The following C11orf71 variants were observed in gnomAD, a reference collection of about 807,000 sequenced individuals.
C11orf71 encodes uncharacterized protein C11orf71.
For synonymous variants in C11orf71, 72 were observed against 73.4 expected (o/e 0.98, Z 0.09); for missense variants, 179 against 167.6 (o/e 1.07, Z -0.38).
downstream of C11orf71, among the ~76,000 whole-genome samples, chr11:114,394,294 T>TTTCTTTTCTC (rs1565256826): frequency 4.9e-3 from 206 of 41,654 alleles, 28 homozygotes; most frequent in African/African-American, 0.01. Context: ...TTTCTCTTAT[T>TTTCTTTTCTC]TTCTTTTCTT....
downstream of C11orf71, among the ~76,000 whole-genome samples, chr11:114,394,252 CTTTTCTTTTCTTTTCTTTTCT>C (rs1946106056): frequency 1.5e-5 from 1 of 66,636 alleles, no homozygotes; most frequent in Non-Finnish European, 2.5e-5. Context: ...CTTTTCTTTT[CTTTTCTTTTCTTTTCTTTTCT>C]TTTCTTTTCT....
At chr11:114,394,174 G>GTTTCTTTTCTTTTCTTTCTTTTCTTTTCT (rs1187890536), downstream of C11orf71, among the ~76,000 whole-genome samples, 2 of 77,520 alleles carry the variant, frequency 2.6e-5, no homozygotes, top group African/African-American at 5.5e-5. Flanking sequence ...TAGAGACGGG[G>GTTTCTTTTCTTTTCTTTCTTTTCTTTTCT]TTTCGTTTCT....
At chr11:114,394,228 CTTTCTT>C (rs1946102760), downstream of C11orf71, among the ~76,000 whole-genome samples, 1 of 48,704 alleles carries the variant, frequency 2.1e-5, no homozygotes, top group African/African-American at 1.0e-4. Context: ...CTTTTCTTTT[CTTTCTT>C]TTCTTTTCTT....
chr11:114,394,923 A>T (rs1223888934), downstream of C11orf71, among the ~76,000 whole-genome samples: 1 of 150,142 alleles, frequency 6.7e-6, no homozygotes, highest in Non-Finnish European at 1.5e-5. Context: ...TTACCTTGTT[A>T]CTCTTATTTG....
downstream of C11orf71, among the ~76,000 whole-genome samples, chr11:114,394,195 T>TTTC (rs1393852594): frequency 7.1e-5 from 3 of 41,978 alleles, no homozygotes; most frequent in African/African-American, 1.2e-4. Context: ...TTTCTTTTCT[T>TTTC]TTCTTTTCTT....
At position 114,400,162 on chromosome 11, in the gene C11orf71, A is replaced by C. The variant is rs747322947; in HGVS notation, c.170T>G (p.Val57Gly). 5 of 1,613,732 alleles carry C rather than the reference A, an allele frequency of 3.1e-6. No homozygotes were observed. In the South Asian group the frequency reaches 5.5e-5, roughly 18 times the overall value. Residue 57 changes from valine (V) to glycine (G), a missense_variant, in exon 1 of 1, where the codon GTG becomes GGG. Transcript: ENST00000623205. ...EAIHLGPRQA[V>G]RPSVRAESRR... ...GCTCTCGGCCCGAACGCTTGGTCGCACCGCCTGCCGAGGTCCTAGATGAAT... is the reference window on the plus strand; with the variant it reads ...GCTCTCGGCCCGAACGCTTGGTCGCCCCGCCTGCCGAGGTCCTAGATGAAT...
chr11:114,397,924 A>G (rs985792840), downstream of C11orf71, among the ~76,000 whole-genome samples: 1 of 152,060 alleles, frequency 6.6e-6, no homozygotes, highest in African/African-American at 2.4e-5. Flanking sequence ...CCAACTCCCC[A>G]TTTCAACTTT....
chr11:114,391,537 T>C, exon 2 of C11orf71: 2 of 1,271,756 alleles, frequency 1.6e-6, no homozygotes, highest in South Asian at 1.6e-5. Context: ...TCTTAAATAA[T>C]ATAAATGTAA....
chr11:114,394,179 G>GTTCT (rs1946095474), downstream of C11orf71, among the ~76,000 whole-genome samples: 1 of 80,286 alleles, frequency 1.2e-5, no homozygotes, highest in African/African-American at 4.9e-5. Flanking sequence ...ACGGGGTTTC[G>GTTCT]TTTCTTTTCT....
downstream of C11orf71, among the ~76,000 whole-genome samples, chr11:114,394,284 T>TTTCTTTTCTC (rs1441634194): frequency 2.4e-5 from 2 of 84,478 alleles, no homozygotes; most frequent in African/African-American, 6.7e-5. Flanking sequence ...TTTCTTTTCT[T>TTTCTTTTCTC]TTCTCTTATT....
chr11:114,394,063 T>C (rs1472860425), downstream of C11orf71, among the ~76,000 whole-genome samples: 1 of 151,824 alleles, frequency 6.6e-6, no homozygotes, highest in Non-Finnish European at 1.5e-5. Context: ...CCCTGCAAGC[T>C]CCGCCTCCCG....
downstream of C11orf71, among the ~76,000 whole-genome samples, chr11:114,395,719 G>A (rs931961783): frequency 6.6e-6 from 1 of 152,210 alleles, no homozygotes; most frequent in African/African-American, 2.4e-5. Flanking sequence ...CCTAATGTCT[G>A]TCATGAGTAA....
In C11orf71 at chr11:114,400,319, T is replaced by C. The variant is rs1377760048; in HGVS notation, c.13A>G (p.Asn5Asp). The C allele has an allele frequency of 2.5e-6, 4 of 1,606,670 alleles. No homozygotes were observed. The highest frequency in any genetic ancestry group is 1.3e-5 in the African/African-American group (1 of 74,706). MALN[N>D]VSLSSGDQRS... is the part of the protein sequence containing the mutation. ...TGATCACCGGAGGACAGGGACACAT[T>C]GTTCAGGGCCATATTCAAACACTGC... is the stretch of plus-strand genomic sequence containing the variant. Residue 5 changes from asparagine to aspartate, a missense_variant, in exon 1 of 1, where the codon AAT (asparagine) becomes GAT (aspartate). By Grantham distance (23) the Asn-to-Asp change is conservative. Coordinates refer to ENST00000623205, the MANE Select transcript of C11orf71 (RefSeq NM_001271562.2).
chr11:114,400,198 C>T lies in C11orf71; in HGVS notation c.134G>A (p.Arg45Lys), dbSNP rs1271301870. 1.2e-6 allele frequency: 2 copies of T among 1,613,520 alleles called. No homozygotes were observed. The highest frequency in any genetic ancestry group is 1.7e-5 in the Admixed American group (1 of 59,948). ...MVSGDGFLVS[R>K]PEAIHLGPRQ... ...AGGTCCTAGATGAATCGCTTCAGGC[C>T]TGGAAACGAGGAAGCCGTCTCCGGA... Residue 45 changes from arginine (R) to lysine (K), a missense_variant, in exon 1 of 1, where the codon AGG (arginine) becomes AAG (lysine). Transcript: ENST00000623205.
downstream of C11orf71, among the ~76,000 whole-genome samples, chr11:114,396,826 G>T (rs1946134611): frequency 6.6e-6 from 1 of 152,198 alleles, no homozygotes; most frequent in South Asian, 2.1e-4. Flanking sequence ...CTGCTGGAAA[G>T]AAAGTTGAAC....
At chr11:114,393,862 A>G (rs1481839768), downstream of C11orf71, among the ~76,000 whole-genome samples, 4 of 152,228 alleles carry the variant, frequency 2.6e-5, no homozygotes, top group Non-Finnish European at 5.9e-5. Flanking sequence ...TTGGACCACA[A>G]AGTCTAAAAT....
downstream of C11orf71, among the ~76,000 whole-genome samples, chr11:114,394,239 TTTC>T (rs1565256558): frequency 2.1e-5 from 1 of 47,194 alleles, no homozygotes; most frequent in Non-Finnish European, 3.3e-5. Context: ...TTTCTTTTCT[TTTC>T]TTTTCTTTTC....
chr11:114,399,456 T>C lies in C11orf71; in HGVS notation c.*504A>G, dbSNP rs1946159572. ...AGAAAGGAATAATAAATTGATTTAA[T>C]AATTTGAAAGAACTGTAAGGTTTAG... On this transcript the variant is annotated 3_prime_UTR_variant, in exon 1 of 1. Coordinates refer to ENST00000623205, the MANE Select transcript of C11orf71 (RefSeq NM_001271562.2). 6.6e-6 allele frequency: 1 copy of C among 152,622 alleles called. No homozygotes were observed. The highest frequency in any genetic ancestry group is 1.5e-5 in the Non-Finnish European group (1 of 68,344). The allele number at this position is 152,622 out of a possible 1,614,324, so 9.5% of individuals were successfully genotyped here. A position where few individuals can be genotyped will look rare whatever the true frequency, so the allele number is the denominator to read the frequency against.
chr11:114,392,220 T>A (rs1399713992), intron 1 of C11orf71, among the ~76,000 whole-genome samples: 1 of 152,024 alleles, frequency 6.6e-6, no homozygotes, highest in African/African-American at 2.4e-5. Flanking sequence ...CTGGGAAACA[T>A]GGCGAAACCC....
Sources: gnomAD v4.1 joint callset for allele counts (sites outside exome capture counted in the v4.1 genomes callset) on GRCh38, gnomAD v4.1.1 for gene constraint, MANE v1.5 for transcripts, NCBI Gene and HGNC (gene_info 2026-07-23, HGNC 2026-07-21) for gene names.